DNM1: variants seen among roughly 807,000 people sequenced by gnomAD.
The protein encoded by DNM1 is dynamin 1.
DNM1 carries 29 observed loss-of-function variants against 104.6 expected under a neutral mutation model. The observed-to-expected ratio is 0.28, with a 90% CI of 0.21 to 0.38. The LOEUF (loss-of-function observed/expected upper bound fraction) is 0.38. Ranked by LOEUF, DNM1 falls within the 10% of genes least tolerant of loss-of-function variation. DNM1 has a pLI of 1.00. For synonymous variants in DNM1, 445 were observed against 475.8 expected, an observed-to-expected ratio of 0.94 and a Z score of 0.84; for missense variants, 640 against 1,189.4, an observed-to-expected ratio of 0.54 and a Z score of 6.79.
chr9:128,223,038 C>G, intron 9 of DNM1, 178 bp downstream of exon 9: 1 of 635,206 alleles, frequency 1.6e-6, no homozygotes, highest in South Asian at 1.9e-5. Context: ...GGAGGTGGAC[C>G]CGGGCCACCC....
At position 128,222,708 on chromosome 9, in the gene DNM1, G is replaced by C; in HGVS notation, c.1129-85G>C. 1 of 1,593,122 alleles carries C rather than the reference G, an allele frequency of 6.3e-7. No individual in the cohort carries two copies. The stretch of plus-strand genomic sequence containing the variant: ...CCCACCCCACAGGCCCTGATGCCCA[G>C]CCCTAGGTGTGGGGTGGGCCCTGTC... On this transcript the variant is annotated intron_variant, in intron 8 of 21. Coordinates refer to ENST00000372923, the MANE Select transcript of DNM1 (RefSeq NM_004408.4). This position sits in a 1 kb window ranked among gnomAD's most constrained non-coding sequence, Gnocchi z 7.8.
rs1488153760 is a variant in DNM1 at position 128,218,844 on chromosome 9, C to T, written c.385+113C>T. On this transcript the variant is annotated intron_variant, in intron 3 of 21. Transcript: ENST00000372923. The surrounding 1 kb of genome is among the most constrained non-coding windows in gnomAD (Gnocchi z 4.8). ...CCCTAGAATGACCCTGCCTCTGCAT[C>T]ATCCTATTCCAAGCTCCACCCTGCC... 10 of 1,392,450 alleles carry T rather than the reference C, an allele frequency of 7.2e-6. No individual in the cohort carries two copies. The highest frequency in any genetic ancestry group is 9.6e-6 in the Non-Finnish European group (10 of 1,043,542). The allele number at this position is 1,392,450 out of a possible 1,614,324, so 86.3% of individuals were successfully genotyped here.
At position 128,242,309 on chromosome 9, in the gene DNM1, G is replaced by A; in HGVS notation, c.1635G>A (p.Leu545=). 1 of 1,611,222 alleles carries A rather than the reference G, an allele frequency of 6.2e-7. No individual in the cohort carries two copies. The highest frequency in any genetic ancestry group is 8.5e-7 in the Non-Finnish European group (1 of 1,177,316). ...KGGSKEYWFV[L]TAENLSWYKD... ...GCTCCAAGGAGTACTGGTTTGTGCT[G>A]ACTGCTGAGAATCTGTCCTGGTACA... The change falls in exon 15 of 22, where the codon CTG becomes CTA. Residue 545 remains leucine (L), a synonymous_variant. Coordinates refer to ENST00000372923, the MANE Select transcript of DNM1 (RefSeq NM_004408.4).
At position 128,253,179 on chromosome 9, in the gene DNM1, T is replaced by C. The variant is rs1829636533; in HGVS notation, c.2535-1475T>C. 3 of 1,591,822 alleles carry C rather than the reference T, an allele frequency of 1.9e-6. No homozygotes were observed. Among genetic ancestry groups the C allele is most frequent in the East Asian group, 2.2e-5 (1 of 44,788 alleles). ...CCGCCTGCTGCATGAACGGTGTGTC[T>C]GCCCCGCTGCACTAGCTCCACACGG... On this transcript the variant is annotated intron_variant, in intron 21 of 21. Coordinates refer to ENST00000372923, the MANE Select transcript of DNM1 (RefSeq NM_004408.4). The surrounding 1 kb of genome is among the most constrained non-coding windows in gnomAD (Gnocchi z 5.9).
At chr9:128,251,112 G>C (rs989288180) in intron 21 of DNM1, 172 bp downstream of exon 21, 4 of 651,888 alleles carry the variant, frequency 6.1e-6, no homozygotes, top group Non-Finnish European at 1.1e-5. Flanking sequence ...GGCTGGCGGA[G>C]CCTGCCCCCG....
chr9:128,226,877 C>T (rs74722857), intron 10 of DNM1, among the ~76,000 whole-genome samples: 4,258 of 152,214 alleles, frequency 0.028, 90 homozygotes, highest in Middle Eastern at 0.044. Flanking sequence ...AGGAGCTTCT[C>T]CAGCAGGCTA....
At chr9:128,227,929 G>A (rs1348147360) in intron 10 of DNM1, among the ~76,000 whole-genome samples, 4 of 152,024 alleles carry the variant, frequency 2.6e-5, no homozygotes. Flanking sequence ...ATAGCTCACT[G>A]TAGGCTCAAA....
At position 128,250,806 on chromosome 9, in the gene DNM1, TG is replaced by T; in HGVS notation, c.2403del (p.Pro802LeufsTer86). ...ARPGSRGPAP[G>X]PPPAGSALGG... ...GGCCCGGGTCGCGGGGCCCTGCTCC[TG>T]GGCCTCCGCCTGCTGGGTCCGCCCT... On this transcript the variant is annotated frameshift_variant, in exon 21 of 22. Coordinates refer to ENST00000372923, the MANE Select transcript of DNM1 (RefSeq NM_004408.4). LOFTEE classifies it high-confidence loss of function. 7.5e-7 allele frequency: 1 copy of T among 1,340,536 alleles called. No homozygotes were observed. The highest frequency in any genetic ancestry group is 2.0e-5 in the South Asian group (1 of 48,822). The allele number at this position is 1,340,536 out of a possible 1,614,324, so 83.0% of individuals were successfully genotyped here.
chr9:128,224,250 G>C lies in DNM1; in HGVS notation c.1197-1G>C. 6.2e-7 allele frequency: 1 copy of C among 1,613,584 alleles called. No individual in the cohort carries two copies. The highest frequency in any genetic ancestry group is 1.1e-5 in the South Asian group (1 of 90,956). On this transcript the variant is annotated splice_acceptor_variant, in intron 9 of 21. Coordinates refer to ENST00000372923, the MANE Select transcript of DNM1 (RefSeq NM_004408.4). LOFTEE classifies it high-confidence loss of function. The surrounding 1 kb of genome is among the most constrained non-coding windows in gnomAD (Gnocchi z 4.3). ...GCCCTTCTCCCGCTCCGGGCGTTCAGAACGGGGCTGTTTACCCCAGACATG... is the reference window on the plus strand; with the variant it reads ...GCCCTTCTCCCGCTCCGGGCGTTCACAACGGGGCTGTTTACCCCAGACATG...
chr9:128,250,579 C>G, intron 20 of DNM1, 146 bp from the exon 21 acceptor site: 1 of 962,334 alleles, frequency 1.0e-6, no homozygotes, highest in East Asian at 3.0e-5. Context: ...GGGGGCGGGG[C>G]TTAAGCTCCG....
rs567050131 is a variant in DNM1 at position 128,243,859 on chromosome 9, G to A, written c.1671+1514G>A. Among the ~76,000 whole-genome samples the A allele has an allele frequency of 2.6e-5, 4 of 152,246 alleles. No homozygotes were observed. Among genetic ancestry groups the A allele is most frequent in the Non-Finnish European group, 4.4e-5 (3 of 68,008 alleles). On this transcript the variant is annotated intron_variant, in intron 15 of 21. Coordinates refer to ENST00000372923, the MANE Select transcript of DNM1 (RefSeq NM_004408.4). The surrounding 1 kb of genome is among the most constrained non-coding windows in gnomAD (Gnocchi z 4.0). ...CTTTTGTGTACATCTGAGTTAAGTC[G>A]TGTGCGAAAACAGCTCTGAGAATCA... is the stretch of plus-strand genomic sequence containing the variant.
In DNM1 at chr9:128,218,416, C is replaced by T. The variant is rs1306945443; in HGVS notation, c.235+112C>T. ...TTGCTTGCTGTGTGACTGTGGGCCT[C>T]GTTCCCCTTAGGGATAGCGGGGATC... On this transcript the variant is annotated intron_variant, in intron 2 of 21. Coordinates refer to ENST00000372923, the MANE Select transcript of DNM1 (RefSeq NM_004408.4). The surrounding 1 kb of genome is among the most constrained non-coding windows in gnomAD (Gnocchi z 4.8). The T allele has an allele frequency of 7.6e-6, 11 of 1,445,052 alleles. No individual in the cohort carries two copies. The East Asian group carries it at 1.8e-4, about 24-fold the overall frequency. 89.5% of individuals were successfully genotyped at this position (1,445,052 alleles called of 1,614,324 possible).
At chr9:128,221,546 C>T (rs760715698) in intron 6 of DNM1, among the ~76,000 whole-genome samples, 1 of 152,164 alleles carries the variant, frequency 6.6e-6, no homozygotes, top group Non-Finnish European at 1.5e-5. Flanking sequence ...AGGCTTTAAA[C>T]CCAGAGGGTC....
At position 128,247,017 on chromosome 9, in the gene DNM1, C is replaced by T. The variant is rs1836871605; in HGVS notation, c.1782-358C>T. 1 of 230,444 alleles carries T rather than the reference C, an allele frequency of 4.3e-6. No homozygotes were observed. The highest frequency in any genetic ancestry group is 8.7e-6 in the Non-Finnish European group (1 of 115,072). The allele number at this position is 230,444 out of a possible 1,614,324, so 14.3% of individuals were successfully genotyped here. A position where few individuals can be genotyped will look rare whatever the true frequency, so the allele number is the denominator to read the frequency against. ...CCTCTGCTACTCGGAGATGAGAGTT[C>T]AGTCCAGCGGCCATCAGAGGGGTCC... is the stretch of plus-strand genomic sequence containing the variant. On this transcript the variant is annotated intron_variant, in intron 16 of 21. Transcript: ENST00000372923. The surrounding 1 kb of genome is among the most constrained non-coding windows in gnomAD (Gnocchi z 5.1).
intron 10 of DNM1, among the ~76,000 whole-genome samples, chr9:128,229,568 A>G (rs959030049): frequency 5.3e-5 from 7 of 132,696 alleles, no homozygotes; most frequent in African/African-American, 1.7e-4. Flanking sequence ...ACACCACCAT[A>G]TTCCAGACTG....
chr9:128,239,567 CGTGTGTGTGTGTGTGTGTGTGTGTGTGT>C, intron 12 of DNM1, 52 bp downstream of exon 12: 3 of 881,304 alleles, frequency 3.4e-6, no homozygotes, highest in Non-Finnish European at 5.3e-6. Context: ...GAGAAGGTAA[CGTGTGTGTGTGTGTGTGTGTGTGTGTGT>C]GTGTGTGTGT....
At chr9:128,213,527 TGA>T (rs1036776636) in intron 1 of DNM1, among the ~76,000 whole-genome samples, 1 of 151,966 alleles carries the variant, frequency 6.6e-6, no homozygotes, top group African/African-American at 2.4e-5. Context: ...GTAGGAAGGA[TGA>T]GAAGATAAGA....
In DNM1 at chr9:128,223,003, C is replaced by T. The variant is rs1356584875; in HGVS notation, c.1196+143C>T. On this transcript the variant is annotated intron_variant, in intron 9 of 21. Transcript: ENST00000372923. ...TCCTCTCGACCCCAACTTTCTGGCT[C>T]CCTGCATGACAGGCTCCAGCTTGGG... is the stretch of plus-strand genomic sequence containing the variant. 1.9e-5 allele frequency: 15 copies of T among 796,420 alleles called. No individual in the cohort carries two copies. In the East Asian group the frequency reaches 3.6e-4, roughly 19 times the overall value. The allele number at this position is 796,420 out of a possible 1,614,324, so 49.3% of individuals were successfully genotyped here.
chr9:128,251,154 C>T (rs1233086731), intron 21 of DNM1: 8 of 680,954 alleles, frequency 1.2e-5, no homozygotes, highest in Non-Finnish European at 2.1e-5. Context: ...GTGGTCGTTT[C>T]TGGGGAGGGG....
Sources: allele counts gnomAD v4.1 joint callset (sites outside exome capture counted in the v4.1 genomes callset), GRCh38; gene constraint gnomAD v4.1.1; non-coding constraint Gnocchi (gnomAD v3.1); transcripts MANE v1.5; gene names NCBI Gene and HGNC (gene_info 2026-07-23, HGNC 2026-07-21).